Variants in CHST8 observed in about 807,000 individuals in gnomAD.
The protein encoded by CHST8 is GALNAC-4-ST1.
CHST8 carries 10 observed loss-of-function variants against 15.0 expected under a neutral mutation model. The observed-to-expected ratio is 0.67, with a 90% CI of 0.41 to 1.13. The LOEUF (loss-of-function observed/expected upper bound fraction) is 1.13. Ranked by LOEUF, CHST8 falls within the 50% of genes most tolerant of loss-of-function variation. The pLI is 0.00. For missense variants in CHST8, 634 were observed against 608.2 expected, an observed-to-expected ratio of 1.04 and a Z score of -0.45; for synonymous variants, 259 against 256.6, an observed-to-expected ratio of 1.01 and a Z score of -0.09.
chr19:33,705,694 C>T (rs1973432933), intron 3 of CHST8, among the ~76,000 whole-genome samples: 1 of 152,132 alleles, frequency 6.6e-6, no homozygotes, highest in Admixed American at 6.5e-5. Context: ...GCAGGCATGG[C>T]CACCCTGGCT....
intron 1 of CHST8, among the ~76,000 whole-genome samples, chr19:33,662,975 G>A (rs890565948): frequency 6.6e-6 from 1 of 152,080 alleles, no homozygotes; most frequent in African/African-American, 2.4e-5. Flanking sequence ...GGCGTGTAGA[G>A]TCATGGATCT....
chr19:33,689,268 C>G lies in CHST8; in HGVS notation c.7C>G (p.Leu3Val). The G allele has an allele frequency of 6.3e-7, 1 of 1,592,886 alleles. No homozygotes were observed. The highest frequency in any genetic ancestry group is 1.1e-5 in the South Asian group (1 of 87,528). ...ACCCCTGAGCCAGCCCCGGATGACC[C>G]TGCGACCTGGAACAATGCGGCTGGC... Reference protein sequence around the residue: MTLRPGTMRLACM... With the variant: MTVRPGTMRLACM... Residue 3 changes from leucine (L) to valine (V), a missense_variant, in exon 3 of 5, where the codon CTG (leucine) becomes GTG (valine). Coordinates refer to ENST00000650847, the MANE Select transcript of CHST8 (RefSeq NM_001127895.2).
At chr19:33,741,683 G>A (rs192326449) in intron 3 of CHST8, among the ~76,000 whole-genome samples, 19 of 151,994 alleles carry the variant, frequency 1.3e-4, no homozygotes, top group Non-Finnish European at 7.4e-5. Flanking sequence ...CATCCTTGAG[G>A]TCTTTTATCA....
At chr19:33,638,360 C>T (rs964768220) in intron 1 of CHST8, among the ~76,000 whole-genome samples, 4 of 152,116 alleles carry the variant, frequency 2.6e-5, no homozygotes, top group Admixed American at 1.3e-4. Context: ...GCATGCAGAC[C>T]GCTGTCAGCA....
At chr19:33,636,922 G>A (rs897791063) in intron 1 of CHST8, among the ~76,000 whole-genome samples, 1 of 152,060 alleles carries the variant, frequency 6.6e-6, no homozygotes, top group African/African-American at 2.4e-5. Flanking sequence ...GAAAGTAAAG[G>A]AATAAAAGAA....
At chr19:33,689,425 C>T (rs1430861634) in intron 3 of CHST8, 34 bp downstream of exon 3, 2 of 1,522,624 alleles carry the variant, frequency 1.3e-6, no homozygotes, top group East Asian at 4.9e-5. Flanking sequence ...CCATCACTGC[C>T]CCCAGCTTTC....
chr19:33,724,966 G>T (rs1030302221), intron 3 of CHST8, among the ~76,000 whole-genome samples: 5 of 152,226 alleles, frequency 3.3e-5, no homozygotes, highest in Non-Finnish European at 2.9e-5. Flanking sequence ...AGATGCTGGG[G>T]GTTGGGGAGG....
chr19:33,746,682 T>A (rs1196015075), intron 3 of CHST8, among the ~76,000 whole-genome samples: 4 of 152,086 alleles, frequency 2.6e-5, no homozygotes, highest in African/African-American at 9.7e-5. Context: ...GCAGGAGGAG[T>A]GACCTAGTCA....
Position 33,689,181 on chromosome 19 carries a change from G to A in CHST8, c.-81G>A, listed in dbSNP as rs891136671. 4.6e-5 allele frequency: 66 copies of A among 1,447,318 alleles called. No individual in the cohort carries two copies. Among genetic ancestry groups the A allele is most frequent in the Middle Eastern group, 2.0e-4 (1 of 5,078 alleles). The allele number at this position is 1,447,318 out of a possible 1,614,324, so 89.7% of individuals were successfully genotyped here. Reference sequence around the variant, plus strand: ...ATCCCTCCTCTGCCCCGTAGATCTCGGCCTGATGGACGCCTGGTGTGGACG... The same window carrying A: ...ATCCCTCCTCTGCCCCGTAGATCTCAGCCTGATGGACGCCTGGTGTGGACG... On this transcript the variant is annotated 5_prime_UTR_variant, in exon 3 of 5. Transcript: ENST00000650847.
chr19:33,715,941 G>A lies in CHST8; in HGVS notation c.130+26550G>A, dbSNP rs577754936. Among the ~76,000 whole-genome samples the A allele has an allele frequency of 5.8e-4, 89 of 152,316 alleles. 2 individuals are homozygous for A. In the South Asian group the frequency reaches 0.017, roughly 29 times the overall value. On this transcript the variant is annotated intron_variant, in intron 3 of 4. Coordinates refer to ENST00000650847, the MANE Select transcript of CHST8 (RefSeq NM_001127895.2). The stretch of plus-strand genomic sequence containing the variant: ...TAGAGGCTTTACACCTGGCATATGT[G>A]TGGGTCCATTTAGAAAGATACTCTC...
chr19:33,754,254 C>T (rs1351759316), intron 3 of CHST8, among the ~76,000 whole-genome samples: 2 of 150,130 alleles, frequency 1.3e-5, no homozygotes, highest in Non-Finnish European at 1.5e-5. Flanking sequence ...GTCAAGTGTG[C>T]TATGAGCTGG....
At chr19:33,641,557 G>A (rs1972284240) in intron 1 of CHST8, among the ~76,000 whole-genome samples, 1 of 152,200 alleles carries the variant, frequency 6.6e-6, no homozygotes, top group South Asian at 2.1e-4. Context: ...CTGGGGATTG[G>A]TGGTGTATTG....
intron 2 of CHST8, among the ~76,000 whole-genome samples, chr19:33,680,110 G>GT (rs1972865257): frequency 6.6e-6 from 1 of 151,994 alleles, no homozygotes; most frequent in Non-Finnish European, 1.5e-5. Flanking sequence ...AATAAACATT[G>GT]TGCACCCCAA....
chr19:33,653,032 A>G (rs1972469253), intron 1 of CHST8, among the ~76,000 whole-genome samples: 1 of 152,206 alleles, frequency 6.6e-6, no homozygotes, highest in South Asian at 2.1e-4. Flanking sequence ...CAATTTTAAA[A>G]AATCATTATT....
rs1012242424 is a variant in CHST8, at chr19:33,719,600, G to A, written c.130+30209G>A. Reference sequence around the variant, plus strand: ...GGGGGACACCTAGGGAGACTGGACTGCAGCCCCAGGGCTGACTTCCCAGCC... The same window carrying A: ...GGGGGACACCTAGGGAGACTGGACTACAGCCCCAGGGCTGACTTCCCAGCC... On this transcript the variant is annotated intron_variant, in intron 3 of 4. Coordinates refer to ENST00000650847, the MANE Select transcript of CHST8 (RefSeq NM_001127895.2). 7.2e-5 allele frequency among the ~76,000 whole-genome samples: 11 copies of A among 152,008 alleles called. 1 individual carries two copies. Among genetic ancestry groups the A allele is most frequent in the Admixed American group, 7.2e-4 (11 of 15,260 alleles).
intron 2 of CHST8, among the ~76,000 whole-genome samples, chr19:33,675,443 C>T (rs1446272838): frequency 6.6e-6 from 1 of 152,224 alleles, no homozygotes; most frequent in Admixed American, 6.5e-5. Context: ...GAGCCTGGGT[C>T]CCCAGTGACA....
chr19:33,627,267 A>AT (rs542383728), intron 1 of CHST8, among the ~76,000 whole-genome samples: 32,393 of 142,990 alleles, frequency 0.23, 3,742 homozygotes, highest in Middle Eastern at 0.37. Flanking sequence ...TGCCCAGCTA[A>AT]TTTTTTTTTT....
chr19:33,751,826 G>A (rs898519064), intron 3 of CHST8, among the ~76,000 whole-genome samples: 3 of 152,334 alleles, frequency 2.0e-5, no homozygotes, highest in African/African-American at 2.4e-5. Flanking sequence ...CCACGGGAGC[G>A]GGATCATTTC....
chr19:33,703,698 A>G (rs939678625), intron 3 of CHST8, among the ~76,000 whole-genome samples: 6 of 152,326 alleles, frequency 3.9e-5, no homozygotes, highest in African/African-American at 1.4e-4. Flanking sequence ...CAATATTTGC[A>G]GAAGTTGGGA....
Sources: allele counts gnomAD v4.1 joint callset (sites outside exome capture counted in the v4.1 genomes callset), GRCh38; gene constraint gnomAD v4.1.1; transcripts MANE v1.5; gene names NCBI Gene and HGNC (gene_info 2026-07-23, HGNC 2026-07-21).